The following PCDHGA2 variants were observed in gnomAD, a reference collection of about 807,000 sequenced individuals.
PCDHGA2 encodes protocadherin gamma-A2.
PCDHGA2 carries 40 observed loss-of-function variants against 59.2 expected under a neutral mutation model. That is an observed-to-expected ratio of 0.68 (90% CI 0.52 to 0.88). The LOEUF (loss-of-function observed/expected upper bound fraction) is 0.88. Ranked by LOEUF, PCDHGA2 falls within the 40% of genes least tolerant of loss-of-function variation. The pLI, the probability that PCDHGA2 is intolerant of heterozygous loss-of-function variation, is 0.00. For synonymous variants in PCDHGA2, 560 were observed against 526.0 expected, an observed-to-expected ratio of 1.06 and a Z score of -0.89; for missense variants, 1,226 against 1,204.0, an observed-to-expected ratio of 1.02 and a Z score of -0.27.
intron 3 of PCDHGA2, among the ~76,000 whole-genome samples, chr5:141,505,989 T>C (rs1275642739): frequency 6.6e-6 from 1 of 152,136 alleles, no homozygotes; most frequent in Non-Finnish European, 1.5e-5. Context: ...ACACCTCCTC[T>C]TTATGCGAGG....
Position 141,490,849 on chromosome 5 carries a change from C to T in PCDHGA2, c.2425-3958C>T, listed in dbSNP as rs200640560. The stretch of plus-strand genomic sequence containing the variant: ...GATGCTGCAGATTGTGGTGGGGGTT[C>T]GAGACTCCGGCTCTCCCCCATTGCA... On this transcript the variant is annotated intron_variant, in intron 1 of 3. Coordinates refer to ENST00000394576, the MANE Select transcript of PCDHGA2 (RefSeq NM_018915.4). This position sits in a 1 kb window ranked among gnomAD's most constrained non-coding sequence, Gnocchi z 5.4. The T allele has an allele frequency of 1.3e-5, 21 of 1,613,748 alleles. No individual in the cohort carries two copies. Among genetic ancestry groups the T allele is most frequent in the Admixed American group, 1.7e-5 (1 of 60,022 alleles).
chr5:141,413,812 C>G (rs761118146), intron 1 of PCDHGA2: 3 of 1,613,144 alleles, frequency 1.9e-6, no homozygotes, highest in Non-Finnish European at 1.7e-6. Context: ...GGCCATTCAC[C>G]ACCTGGTCCT....
chr5:141,451,521 T>A (rs1164313767), intron 1 of PCDHGA2, among the ~76,000 whole-genome samples: 2 of 152,148 alleles, frequency 1.3e-5, no homozygotes, highest in African/African-American at 4.8e-5. Flanking sequence ...TTAGAGCAAG[T>A]AAAGGAGAGT....
intron 1 of PCDHGA2, chr5:141,409,624 G>A (rs747166507): frequency 2.5e-6 from 4 of 1,613,846 alleles, no homozygotes; most frequent in Non-Finnish European, 3.4e-6. Flanking sequence ...TTGCGCAAGT[G>A]AGCGCCTCTG....
At chr5:141,399,732 G>C (rs1270192367) in intron 1 of PCDHGA2, 27 of 1,613,174 alleles carry the variant, frequency 1.7e-5, no homozygotes, top group Non-Finnish European at 2.0e-5. Context: ...ACCAGGGCTC[G>C]CCTGCGCTCA....
intron 1 of PCDHGA2, chr5:141,413,189 G>T: frequency 1.2e-6 from 2 of 1,606,972 alleles, no homozygotes; most frequent in Middle Eastern, 1.7e-4. Flanking sequence ...GCCGCTCAAA[G>T]GAATCGCTCA....
chr5:141,416,585 A>T (rs2096043494), intron 1 of PCDHGA2: 2 of 152,244 alleles, frequency 1.3e-5, no homozygotes, highest in Non-Finnish European at 2.9e-5. Context: ...GAGGCAAAAT[A>T]AACTTAGAGT....
chr5:141,380,114 G>T (rs1776224365), intron 1 of PCDHGA2, among the ~76,000 whole-genome samples: 1 of 151,828 alleles, frequency 6.6e-6, no homozygotes, highest in Non-Finnish European at 1.5e-5. Context: ...TGGCCAGGCT[G>T]GTCTCAAACT....
chr5:141,351,795 C>G, intron 1 of PCDHGA2: 1 of 1,613,360 alleles, frequency 6.2e-7, no homozygotes, highest in South Asian at 1.1e-5. Flanking sequence ...GTGGTGTTCG[C>G]GCAGCGCGCC....
chr5:141,350,819 A>G (rs1214337885), intron 1 of PCDHGA2: 3 of 1,614,028 alleles, frequency 1.9e-6, no homozygotes, highest in Non-Finnish European at 2.5e-6. Flanking sequence ...TGATGGAAGT[A>G]AATATCCGGT....
At chr5:141,384,331 G>C (rs376216978) in intron 1 of PCDHGA2, 1 of 1,613,728 alleles carries the variant, frequency 6.2e-7, no homozygotes, top group Non-Finnish European at 8.5e-7. Flanking sequence ...GACTGCACAG[G>C]ACCACGACAG....
At position 141,431,636 on chromosome 5, in the gene PCDHGA2, A is replaced by C; in HGVS notation, c.2425-63171A>C. 1 of 1,614,254 alleles carries C rather than the reference A, an allele frequency of 6.2e-7. No individual in the cohort carries two copies. On this transcript the variant is annotated intron_variant, in intron 1 of 3. Transcript: ENST00000394576. This position sits in a 1 kb window ranked among gnomAD's most constrained non-coding sequence, Gnocchi z 4.8. ...GGACGACAAGGCGGCCCAAGTTTTC[A>C]AACTAGATTGTAATTCAGGGACAAT... is the stretch of plus-strand genomic sequence containing the variant.
chr5:141,399,465 G>A, intron 1 of PCDHGA2: 1 of 1,614,014 alleles, frequency 6.2e-7, no homozygotes, highest in Non-Finnish European at 8.5e-7. Context: ...ATAACGCTCC[G>A]GTTTTCCACC....
At position 141,431,423 on chromosome 5, in the gene PCDHGA2, C is replaced by T; in HGVS notation, c.2425-63384C>T. The T allele has an allele frequency of 3.1e-6, 5 of 1,613,670 alleles. No individual in the cohort carries two copies. Among genetic ancestry groups the T allele is most frequent in the Non-Finnish European group, 4.2e-6 (5 of 1,180,030 alleles). ...GGCCTCCGACGGGGGCGACCCGGTG[C>T]GCACAGGCACCGCGCGCATCCGCGT... On this transcript the variant is annotated intron_variant, in intron 1 of 3. Coordinates refer to ENST00000394576, the MANE Select transcript of PCDHGA2 (RefSeq NM_018915.4). This position sits in a 1 kb window ranked among gnomAD's most constrained non-coding sequence, Gnocchi z 4.8.
chr5:141,500,184 T>TTTTATTTATTTATTTATTTA (rs58019021), intron 2 of PCDHGA2, among the ~76,000 whole-genome samples: 1 of 135,886 alleles, frequency 7.4e-6, no homozygotes, highest in African/African-American at 2.7e-5. Flanking sequence ...TCATTTTTAT[T>TTTTATTTATTTATTTATTTA]TTTATTTATT....
chr5:141,490,566 C>T lies in PCDHGA2; in HGVS notation c.2425-4241C>T. 3 of 1,614,132 alleles carry T rather than the reference C, an allele frequency of 1.9e-6. No homozygotes were observed. Among genetic ancestry groups the T allele is most frequent in the Non-Finnish European group, 2.5e-6 (3 of 1,180,028 alleles). On this transcript the variant is annotated intron_variant, in intron 1 of 3. Transcript: ENST00000394576. This position sits in a 1 kb window ranked among gnomAD's most constrained non-coding sequence, Gnocchi z 5.4. ...TACACAAACATCTCACCATCAGGCT[C>T]AACATTTCAGATGTCAATGACAATG...
intron 1 of PCDHGA2, among the ~76,000 whole-genome samples, chr5:141,358,915 G>C (rs28587232): frequency 2.6e-5 from 4 of 152,190 alleles, no homozygotes; most frequent in Non-Finnish European, 5.9e-5. Flanking sequence ...AATATTTTGT[G>C]TGTAGGGGAT....
At position 141,372,855 on chromosome 5, in the gene PCDHGA2, A is replaced by T; in HGVS notation, c.2424+31460A>T. 7 of 1,456,148 alleles carry T rather than the reference A, an allele frequency of 4.8e-6. No homozygotes were observed. The South Asian group carries it at 6.7e-5, about 14-fold the overall frequency. 90.2% of individuals were successfully genotyped at this position (1,456,148 alleles called of 1,614,324 possible). On this transcript the variant is annotated intron_variant, in intron 1 of 3. Transcript: ENST00000394576. ...CCTTCCATAAATATAATTGGGTTTC[A>T]ATTCATTGATTTAGAGATAAAAAGA...
At chr5:141,475,828 C>T (rs1319658902) in intron 1 of PCDHGA2, 1 of 387,614 alleles carries the variant, frequency 2.6e-6, no homozygotes, top group Admixed American at 4.3e-5. Context: ...GGCGCTAGCG[C>T]GTGTCCTGCT....
Sources: gnomAD v4.1 joint callset for allele counts (sites outside exome capture counted in the v4.1 genomes callset) on GRCh38, gnomAD v4.1.1 for gene constraint, Gnocchi (gnomAD v3.1) non-coding constraint, MANE v1.5 for transcripts, NCBI Gene and HGNC (gene_info 2026-07-23, HGNC 2026-07-21) for gene names.